The following CPQ variants were observed in gnomAD, a reference collection of about 807,000 sequenced individuals.
The protein encoded by CPQ is Ser-Met dipeptidase.
In CPQ, 37 loss-of-function variants were observed where a neutral mutation model predicts 45.7. That is an observed-to-expected ratio of 0.81 (90% confidence interval 0.62 to 1.07). The LOEUF (loss-of-function observed/expected upper bound fraction) is 1.07, where lower values mean the gene tolerates loss of function less well. CPQ is among the 50% of genes least tolerant of loss of function. The pLI is 0.00. For synonymous variants in CPQ, 186 were observed against 205.8 expected, an observed-to-expected ratio of 0.90 and a Z score of 0.82; for missense variants, 537 against 572.9, an observed-to-expected ratio of 0.94 and a Z score of 0.64.
chr8:96,991,553 CATAATAATA>C (rs36215104), intron 5 of CPQ, among the ~76,000 whole-genome samples: 34,524 of 139,660 alleles, frequency 0.25, 5,271 homozygotes, highest in African/African-American at 0.44. Context: ...AAGAGTCTGT[CATAATAATA>C]ATAATAATAA....
chr8:96,841,666 T>A (rs1325578528), intron 3 of CPQ, among the ~76,000 whole-genome samples: 1 of 152,218 alleles, frequency 6.6e-6, no homozygotes, highest in East Asian at 1.9e-4. Context: ...TTGGAAATAC[T>A]ACTGGCTGAT....
intron 2 of CPQ, among the ~76,000 whole-genome samples, chr8:96,829,541 G>A (rs542999508): frequency 1.3e-5 from 2 of 152,120 alleles, no homozygotes; most frequent in South Asian, 4.1e-4. Context: ...TCTGTTTTGG[G>A]GCCTGGCAGG....
chr8:97,089,899 G>T (rs1257662322), intron 7 of CPQ, among the ~76,000 whole-genome samples: 1 of 152,116 alleles, frequency 6.6e-6, no homozygotes. Context: ...TAGTAAGTGT[G>T]GGGTGAGACT....
intron 3 of CPQ, among the ~76,000 whole-genome samples, chr8:96,864,675 TGCCTC>T (rs1811973721): frequency 2.0e-5 from 3 of 151,878 alleles, no homozygotes; most frequent in Admixed American, 6.6e-5. Context: ...CCTAAAAGAG[TGCCTC>T]AATCAATGTT....
chr8:96,898,502 C>A (rs1812471616), intron 4 of CPQ, among the ~76,000 whole-genome samples: 1 of 151,600 alleles, frequency 6.6e-6, no homozygotes, highest in African/African-American at 2.4e-5. Flanking sequence ...TATGAATTAG[C>A]AAAAGATAAT....
intron 7 of CPQ, among the ~76,000 whole-genome samples, chr8:97,126,986 C>T (rs916380095): frequency 2.6e-5 from 4 of 152,240 alleles, no homozygotes; most frequent in Middle Eastern, 3.4e-3. Flanking sequence ...TGAACCTTAG[C>T]CCTTATCTCA....
chr8:96,758,284 A>G (rs1244237787), intron 1 of CPQ, among the ~76,000 whole-genome samples: 1 of 152,120 alleles, frequency 6.6e-6, no homozygotes, highest in African/African-American at 2.4e-5. Context: ...TGCTCACTAT[A>G]TTTCTCACCA....
At chr8:96,838,896 G>A (rs934333537) in intron 3 of CPQ, among the ~76,000 whole-genome samples, 1 of 152,034 alleles carries the variant, frequency 6.6e-6, no homozygotes, top group African/African-American at 2.4e-5. Flanking sequence ...TGCATTTGGA[G>A]GAAAATATTC....
chr8:97,066,337 C>T, intron 7 of CPQ, 127 bp downstream of exon 7: 1 of 817,148 alleles, frequency 1.2e-6, no homozygotes, highest in South Asian at 1.7e-5. Context: ...AGCTTTTGTT[C>T]AAGGTATAAT....
intron 3 of CPQ, among the ~76,000 whole-genome samples, chr8:96,877,680 C>T (rs916067865): frequency 6.6e-6 from 1 of 152,174 alleles, no homozygotes; most frequent in Non-Finnish European, 1.5e-5. Flanking sequence ...TGTATACTAT[C>T]TCTTTTATTT....
chr8:96,803,497 A>T lies in CPQ; in HGVS notation c.433+18167A>T, dbSNP rs527566306. ...GGAATCAAAGATTATAAAGCTTTCAAGTTTGGATTGGTGAGAAAACCATAA... is the reference window on the plus strand; with the variant it reads ...GGAATCAAAGATTATAAAGCTTTCATGTTTGGATTGGTGAGAAAACCATAA... On this transcript the variant is annotated intron_variant, in intron 2 of 7. Transcript: ENST00000220763. 2.0e-4 allele frequency among the ~76,000 whole-genome samples: 30 copies of T among 152,324 alleles called. No homozygotes were observed. The South Asian group carries it at 6.0e-3, about 31-fold the overall frequency.
chr8:96,689,899 A>AACTTGG (rs1434915635), intron 1 of CPQ, among the ~76,000 whole-genome samples: 11 of 151,976 alleles, frequency 7.2e-5, no homozygotes, highest in Non-Finnish European at 1.3e-4. Flanking sequence ...TTTACATTTT[A>AACTTGG]TTCTGATCAC....
intron 7 of CPQ, among the ~76,000 whole-genome samples, chr8:97,076,741 T>C (rs925838534): frequency 6.6e-6 from 1 of 152,176 alleles, no homozygotes; most frequent in Non-Finnish European, 1.5e-5. Context: ...GCTTTCTAGA[T>C]GTTGCTGCTT....
intron 4 of CPQ, among the ~76,000 whole-genome samples, chr8:96,959,201 G>C (rs1813409696): frequency 6.6e-6 from 1 of 152,152 alleles, no homozygotes; most frequent in African/African-American, 2.4e-5. Context: ...CCTGTGTTTA[G>C]ATTTTAAATT....
intron 4 of CPQ, among the ~76,000 whole-genome samples, chr8:96,940,840 TG>T (rs1427294413): frequency 6.6e-6 from 1 of 152,216 alleles, no homozygotes; most frequent in Non-Finnish European, 1.5e-5. Context: ...GTACCTCATA[TG>T]ATCTCTTTAT....
rs186550334 is a variant in CPQ, at chr8:96,821,810, A to C, written c.434-13163A>C. Among the ~76,000 whole-genome samples the C allele has an allele frequency of 3.1e-3, 474 of 152,106 alleles. 1 individual carries two copies. The highest frequency in any genetic ancestry group is 0.01 in the African/African-American group (425 of 41,538). ...ATTTTTAATTAGACAAGTAAAAATTATATGATTTGTACTGTACAAGTGTGA... is the reference window on the plus strand; with the variant it reads ...ATTTTTAATTAGACAAGTAAAAATTCTATGATTTGTACTGTACAAGTGTGA... On this transcript the variant is annotated intron_variant, in intron 2 of 7. Coordinates refer to ENST00000220763, the MANE Select transcript of CPQ (RefSeq NM_016134.4).
chr8:96,885,905 T>C (rs535453562), intron 4 of CPQ, among the ~76,000 whole-genome samples: 1 of 151,482 alleles, frequency 6.6e-6, no homozygotes, highest in South Asian at 2.1e-4. Context: ...GGCAGAAGAA[T>C]GGCATGAACC....
At chr8:96,770,052 A>G (rs1461160912) in intron 1 of CPQ, among the ~76,000 whole-genome samples, 3 of 152,206 alleles carry the variant, frequency 2.0e-5, no homozygotes, top group Non-Finnish European at 4.4e-5. Flanking sequence ...AGTGAGCTCA[A>G]TTAATTTTCT....
At chr8:96,802,990 T>C (rs1282044843) in intron 2 of CPQ, among the ~76,000 whole-genome samples, 1 of 143,930 alleles carries the variant, frequency 6.9e-6, no homozygotes, top group Non-Finnish European at 1.5e-5. Flanking sequence ...AACAGAAGCA[T>C]ACACACACAC....
Sources: gnomAD v4.1 joint callset for allele counts (sites outside exome capture counted in the v4.1 genomes callset) on GRCh38, gnomAD v4.1.1 for gene constraint, MANE v1.5 for transcripts, NCBI Gene and HGNC (gene_info 2026-07-23, HGNC 2026-07-21) for gene names.